The following ZGLP1 variants were observed in gnomAD, a reference collection of about 807,000 sequenced individuals.
The protein encoded by ZGLP1 is zinc finger GATA like protein 1.
In ZGLP1, 11 loss-of-function variants were observed where a neutral mutation model predicts 21.4. That is an observed-to-expected ratio of 0.51 (90% CI 0.32 to 0.85). The LOEUF is 0.85. Among genes scored for constraint, ZGLP1 ranks in the 40% least tolerant of loss-of-function variants. The probability of loss-of-function intolerance (pLI) is 0.03; values close to 1 mark genes in which losing one functional copy is unlikely to be tolerated. For missense variants in ZGLP1, 295 were observed against 355.6 expected, an observed-to-expected ratio of 0.83 and a Z score of 1.37; for synonymous variants, 148 against 145.0, an observed-to-expected ratio of 1.02 and a Z score of -0.15.
chr19:10,307,477 G>T (rs1239074591), intron 1 of ZGLP1, among the ~76,000 whole-genome samples: 4 of 150,414 alleles, frequency 2.7e-5, no homozygotes, highest in African/African-American at 9.8e-5. Flanking sequence ...AGCCTCCCAA[G>T]TAGCTGGGAT....
exon 1 of ZGLP1, chr19:10,308,613 G>C: frequency 6.5e-7 from 1 of 1,543,116 alleles, no homozygotes; most frequent in Non-Finnish European, 8.7e-7. Flanking sequence ...CCGGCCAGGG[G>C]GTTCCAACTT....
chr19:10,309,468 G>A (rs939861200), exon 1 of ZGLP1: 1 of 152,630 alleles, frequency 6.6e-6, no homozygotes, highest in Admixed American at 6.6e-5. Context: ...AGGAGTCCGG[G>A]ATTGGCTCGG....
intron 1 of ZGLP1, among the ~76,000 whole-genome samples, chr19:10,307,812 G>A (rs1184086611): frequency 3.3e-5 from 5 of 152,218 alleles, no homozygotes; most frequent in Non-Finnish European, 7.3e-5. Flanking sequence ...CACTGTGCCC[G>A]GCCTCCCCAG....
rs1274756763 is a variant in ZGLP1 at position 10,305,459 on chromosome 19, C to T, written c.629G>A (p.Arg210Gln). The change falls in exon 3 of 4, where the codon CGG (arginine) becomes CAG (glutamine). Residue 210 changes from arginine to glutamine, a missense_variant. Arg to Gln is a conservative substitution (Grantham distance 43). This residue lies in a region of ZGLP1 where 43 missense variants were observed against 91.7 expected (regional missense o/e 0.47). Coordinates refer to ENST00000403903, the Ensembl canonical transcript of ZGLP1. This position sits in a 1 kb window ranked among gnomAD's most constrained non-coding sequence, Gnocchi z 4.7. ...TCTCCAGAGCGGGGTCCTCTGGGTC[C>T]GACAGGAAGCACAGCGCCGGGGCTC... The T allele has an allele frequency of 1.1e-5, 18 of 1,598,952 alleles. No homozygotes were observed. Among genetic ancestry groups the T allele is most frequent in the Middle Eastern group, 3.3e-4 (2 of 6,048 alleles).
chr19:10,305,747 G>T lies in ZGLP1; in HGVS notation c.604+99C>A. 9.6e-7 allele frequency: 1 copy of T among 1,042,442 alleles called. No homozygotes were observed. The allele number at this position is 1,042,442 out of a possible 1,614,324, so 64.6% of individuals were successfully genotyped here. A position where few individuals can be genotyped will look rare whatever the true frequency, so the allele number is the denominator to read the frequency against. On this transcript the variant is annotated intron_variant, in intron 2 of 3. Transcript: ENST00000403903. This position sits in a 1 kb window ranked among gnomAD's most constrained non-coding sequence, Gnocchi z 4.7. ...CGACTCCTCCCTGAGGGCTCTAAAT[G>T]GGGAAGCAAGATGGAGAAGGGGGGG...
exon 1 of ZGLP1, chr19:10,309,357 G>C (rs1377412928): frequency 1.3e-5 from 2 of 152,812 alleles, no homozygotes; most frequent in East Asian, 3.8e-4. Flanking sequence ...ACCTCTCACT[G>C]ATTCTGCAGC....
chr19:10,307,280 C>A (rs2040284777), intron 1 of ZGLP1, among the ~76,000 whole-genome samples: 3 of 151,760 alleles, frequency 2.0e-5, no homozygotes, highest in African/African-American at 7.3e-5. Flanking sequence ...TCATGCAATC[C>A]TCCCACCTTG....
At chr19:10,308,642 C>G (rs2040294015) in exon 1 of ZGLP1, 2 of 1,518,724 alleles carry the variant, frequency 1.3e-6, no homozygotes, top group African/African-American at 1.4e-5. Context: ...TCTTTGTGTA[C>G]CCTTGGACAG....
intron 1 of ZGLP1, 53 bp from the exon 3 acceptor site, chr19:10,306,005 A>C: frequency 1.5e-6 from 2 of 1,303,822 alleles, no homozygotes; most frequent in Non-Finnish European, 2.1e-6. Flanking sequence ...CTTGTCCCCA[A>C]CAGCCCTCCG....
intron 1 of ZGLP1, among the ~76,000 whole-genome samples, chr19:10,306,189 T>C (rs2040278539): frequency 6.6e-6 from 1 of 151,904 alleles, no homozygotes; most frequent in African/African-American, 2.4e-5. Flanking sequence ...CTCAGCTCAC[T>C]ACAACCTCCA....
chr19:10,308,929 T>TGGAGTGCAGGGGCGTGATCAGGAC, exon 1 of ZGLP1: 1 of 338,598 alleles, frequency 3.0e-6, no homozygotes, highest in Non-Finnish European at 5.3e-6. Flanking sequence ...TACCCCCGCC[T>TGGAGTGCAGGGGCGTGATCAGGAC]GGAGTGCAGG....
rs865904047 is a variant in ZGLP1, at chr19:10,305,057, G to A, written c.*34C>T. The stretch of plus-strand genomic sequence containing the variant: ...CCATTCTCCCACTGGTGAAACGGAG[G>A]CAGAAGCAGCAGCTCAGCAGGGTGA... On this transcript the variant is annotated 3_prime_UTR_variant, in exon 4 of 4. Coordinates refer to ENST00000403903, the Ensembl canonical transcript of ZGLP1. The surrounding 1 kb of genome is among the most constrained non-coding windows in gnomAD (Gnocchi z 4.7). The A allele has an allele frequency of 2.1e-5, 32 of 1,529,512 alleles. No homozygotes were observed. In the Middle Eastern group the frequency reaches 1.0e-3, roughly 49 times the overall value. 94.7% of individuals were successfully genotyped at this position (1,529,512 alleles called of 1,614,324 possible).
chr19:10,304,876 G>C (rs2040270136), exon 4 of ZGLP1: 2 of 580,632 alleles, frequency 3.4e-6, no homozygotes, highest in African/African-American at 1.9e-5. Flanking sequence ...CTCCTGAGGG[G>C]GCCTCGGCCA....
intron 1 of ZGLP1, among the ~76,000 whole-genome samples, chr19:10,307,954 G>A (rs1193141500): frequency 6.6e-6 from 1 of 152,244 alleles, no homozygotes; most frequent in Non-Finnish European, 1.5e-5. Context: ...AGCAAGGCCA[G>A]GCCTGATTCC....
chr19:10,307,752 G>A (rs1232404980), intron 1 of ZGLP1, among the ~76,000 whole-genome samples: 1 of 152,178 alleles, frequency 6.6e-6, no homozygotes, highest in Non-Finnish European at 1.5e-5. Flanking sequence ...CTGACTTCAG[G>A]TGATCTGCTC....
chr19:10,308,102 C>T (rs1184380535), intron 1 of ZGLP1, 83 bp downstream of exon 2: 7 of 1,487,886 alleles, frequency 4.7e-6, no homozygotes, highest in African/African-American at 2.8e-5. Flanking sequence ...TCCACACCGA[C>T]GCCAGAGAGC....
intron 1 of ZGLP1, among the ~76,000 whole-genome samples, chr19:10,306,824 CAAACAAACAA>C (rs2040282280): frequency 1.3e-5 from 2 of 151,790 alleles, no homozygotes; most frequent in South Asian, 4.2e-4. Context: ...CAAAAACAAA[CAAACAAACAA>C]AAGCAAAAAA....
chr19:10,308,947 T>G (rs2040296590), exon 1 of ZGLP1: 1 of 308,882 alleles, frequency 3.2e-6, no homozygotes, highest in African/African-American at 2.1e-5. Context: ...AGGGGCGTGA[T>G]CAGGACTCAG....
At chr19:10,306,614 G>C (rs1243249729) in intron 1 of ZGLP1, among the ~76,000 whole-genome samples, 9 of 151,770 alleles carry the variant, frequency 5.9e-5, no homozygotes, top group African/African-American at 1.9e-4. Flanking sequence ...TTTTTAAAAA[G>C]AGATGGGAGT....
Sources: gnomAD v4.1 joint callset for allele counts (sites outside exome capture counted in the v4.1 genomes callset) on GRCh38, gnomAD v4.1.1 for gene constraint, gnomAD v4.1.1 regional missense constraint, Gnocchi (gnomAD v3.1) non-coding constraint, MANE v1.5 for transcripts, NCBI Gene and HGNC (gene_info 2026-07-23, HGNC 2026-07-21) for gene names.